KIN: variants seen among roughly 807,000 people sequenced by gnomAD.
The protein encoded by KIN is Kin17 DNA and RNA binding protein.
In KIN, 47 loss-of-function variants were observed where a neutral mutation model predicts 63.0. The observed-to-expected ratio is 0.75, with a 90% CI of 0.59 to 0.95. The LOEUF (loss-of-function observed/expected upper bound fraction) is 0.95. Ranked by LOEUF, KIN falls within the 40% of genes least tolerant of loss-of-function variation. The probability of loss-of-function intolerance (pLI) is 0.00; values close to 1 mark genes in which losing one functional copy is unlikely to be tolerated. For synonymous variants in KIN, 160 were observed against 157.7 expected (o/e 1.01, Z -0.11); for missense variants, 408 against 460.9 (o/e 0.89, Z 1.05).
chr10:7,766,249 A>G lies in KIN; in HGVS notation c.799-146T>C, dbSNP rs190283344. On this transcript the variant is annotated intron_variant, in intron 8 of 12. Transcript: ENST00000379562. ...ATGACATAATTTGCGAGCTCTGATA[A>G]ATACAAATAAACATTACTTGTCATT... 3.5e-3 allele frequency: 1,864 copies of G among 529,492 alleles called. 9 individuals carry two copies. The highest frequency in any genetic ancestry group is 4.5e-3 in the Non-Finnish European group (1,374 of 302,268). 32.8% of individuals were successfully genotyped at this position (529,492 alleles called of 1,614,324 possible). A position where few individuals can be genotyped will look rare whatever the true frequency, so the allele number is the denominator to read the frequency against.
chr10:7,772,999 G>T (rs951953326), intron 7 of KIN, among the ~76,000 whole-genome samples: 1 of 152,218 alleles, frequency 6.6e-6, no homozygotes, highest in Non-Finnish European at 1.5e-5. Flanking sequence ...CCCTTTTCTT[G>T]TAAGAGCAAG....
intron 5 of KIN, among the ~76,000 whole-genome samples, chr10:7,778,420 G>A (rs894954397): frequency 6.6e-6 from 1 of 152,110 alleles, no homozygotes; most frequent in Non-Finnish European, 1.5e-5. Context: ...CAGGAACAGT[G>A]CCCACAGAAC....
Position 7,753,921 on chromosome 10 carries a change from AAG to A in KIN, c.*2157_*2158del. On this transcript the variant is annotated 3_prime_UTR_variant, in exon 13 of 13. Transcript: ENST00000379562. ...ATCAGCCCTCCCTGACTCTCAGTTA[AAG>A]AGAGAGATCCCAGGGTTTGGCACCA... 1 of 388,220 alleles carries A rather than the reference AAG, an allele frequency of 2.6e-6. No homozygotes were observed. The highest frequency in any genetic ancestry group is 5.2e-6 in the Non-Finnish European group (1 of 190,498). 24.0% of individuals were successfully genotyped at this position (388,220 alleles called of 1,614,324 possible).
chr10:7,763,718 CT>C lies in KIN; in HGVS notation c.918+4del. 6.8e-7 allele frequency: 1 copy of C among 1,462,526 alleles called. No individual in the cohort carries two copies. Among genetic ancestry groups the C allele is most frequent in the Non-Finnish European group, 9.5e-7 (1 of 1,056,000 alleles). The allele number at this position is 1,462,526 out of a possible 1,614,324, so 90.6% of individuals were successfully genotyped here. ...CAAATTCCATTCATAATTGCACGTC[CT>C]TACCTTAACAATAGCCTTTTTCTTA... is the stretch of plus-strand genomic sequence containing the variant. On this transcript the variant is annotated splice_donor_region_variant and intron_variant, in intron 10 of 12. Coordinates refer to ENST00000379562, the MANE Select transcript of KIN (RefSeq NM_012311.4).
At chr10:7,771,396 T>C (rs1319830638) in intron 7 of KIN, among the ~76,000 whole-genome samples, 1 of 152,206 alleles carries the variant, frequency 6.6e-6, no homozygotes, top group Non-Finnish European at 1.5e-5. Context: ...TAATCTATTG[T>C]TTTCTAAAGA....
intron 4 of KIN, 139 bp downstream of exon 4, chr10:7,779,917 C>T: frequency 1.4e-6 from 1 of 723,804 alleles, no homozygotes; most frequent in Admixed American, 2.8e-5. Context: ...AGAAATTATG[C>T]TCCCAAAATG....
intron 7 of KIN, 61 bp from the exon 8 acceptor site, chr10:7,769,406 T>C (rs1835622088): frequency 6.6e-7 from 1 of 1,516,978 alleles, no homozygotes; most frequent in Non-Finnish European, 8.9e-7. Context: ...TGCTTTACGA[T>C]GTGCAAAATT....
rs764590622 is a variant in KIN, at chr10:7,763,824, A to G, written c.850-33T>C. 1.4e-5 allele frequency: 15 copies of G among 1,063,930 alleles called. No individual in the cohort carries two copies. In the South Asian group the frequency reaches 1.9e-4, roughly 14 times the overall value. 65.9% of individuals were successfully genotyped at this position (1,063,930 alleles called of 1,614,324 possible). On this transcript the variant is annotated intron_variant, in intron 9 of 12. Coordinates refer to ENST00000379562, the MANE Select transcript of KIN (RefSeq NM_012311.4). ...ATAATAACAAAAAAAATGAAAGGAA[A>G]GACAGAAGTTATCGTTTGTCATTTA...
In KIN at chr10:7,762,459, G is replaced by C. The variant is rs1588471958; in HGVS notation, c.1016C>G (p.Pro339Arg). The C allele has an allele frequency of 1.3e-6, 2 of 1,587,790 alleles. No homozygotes were observed. The highest frequency in any genetic ancestry group is 1.7e-6 in the Non-Finnish European group (2 of 1,159,706). ...QTHLETVIPA[P>R]GKRILVLNGG... ...AAATGGTCTGCAAACAGATTTACCTGGTGCTGGAATTACTGTCTCTAAATG... is the reference window on the plus strand; with the variant it reads ...AAATGGTCTGCAAACAGATTTACCTCGTGCTGGAATTACTGTCTCTAAATG... Residue 339 changes from proline (P) to arginine (R), a missense_variant and splice_region_variant, in exon 11 of 13, where the codon CCA becomes CGA. This residue lies in a region of KIN where 298 missense variants were observed against 296.0 expected (regional missense o/e 1.01). Coordinates refer to ENST00000379562, the MANE Select transcript of KIN (RefSeq NM_012311.4).
intron 12 of KIN, among the ~76,000 whole-genome samples, chr10:7,759,380 C>G (rs1055508962): frequency 6.6e-6 from 1 of 152,122 alleles, no homozygotes; most frequent in Admixed American, 6.5e-5. Flanking sequence ...GTATTGATCT[C>G]TGCTACCTTA....
chr10:7,779,081 G>A, intron 4 of KIN, 62 bp from the exon 5 acceptor site: 1 of 1,539,012 alleles, frequency 6.5e-7, no homozygotes, highest in Non-Finnish European at 8.9e-7. Context: ...AAATATGAAT[G>A]TGTTTCACCT....
intron 2 of KIN, among the ~76,000 whole-genome samples, chr10:7,782,026 C>A (rs912860416): frequency 3.3e-5 from 5 of 152,076 alleles, no homozygotes; most frequent in African/African-American, 1.2e-4. Flanking sequence ...CCACTGCACT[C>A]CAGCCTGGGC....
At chr10:7,772,621 A>G (rs780735202) in intron 7 of KIN, among the ~76,000 whole-genome samples, 2 of 152,210 alleles carry the variant, frequency 1.3e-5, no homozygotes, top group Admixed American at 6.5e-5. Flanking sequence ...ATCCCAAACT[A>G]TATTATGTAC....
intron 8 of KIN, 24 bp downstream of exon 8, chr10:7,769,192 C>A: frequency 6.3e-7 from 1 of 1,590,624 alleles, no homozygotes; most frequent in South Asian, 1.1e-5. Flanking sequence ...TCTAAGGTGT[C>A]CACACGCAAT....
chr10:7,776,497 G>A (rs1341727090), intron 5 of KIN, among the ~76,000 whole-genome samples: 6 of 149,116 alleles, frequency 4.0e-5, no homozygotes, highest in East Asian at 3.9e-4. Context: ...AGCGGAGATC[G>A]TGCCACTTCA....
rs772653681 is a variant in KIN, at chr10:7,775,785, A to C, written c.573T>G (p.Phe191Leu). ...LEGKEQEVPTFTELSRENDEE... is the reference protein window; with the variant it reads ...LEGKEQEVPTLTELSRENDEE... ...CATCATTTTCTCTGCTTAATTCCGTAAAAGTAGGGACCTCCTAAAAAAAAG... is the reference window on the plus strand; with the variant it reads ...CATCATTTTCTCTGCTTAATTCCGTCAAAGTAGGGACCTCCTAAAAAAAAG... Residue 191 changes from phenylalanine to leucine, a missense_variant, in exon 6 of 13, where the codon TTT (phenylalanine) becomes TTG (leucine). Phe to Leu is a conservative substitution (Grantham distance 22, BLOSUM62 0). This residue lies in a region of KIN where 298 missense variants were observed against 296.0 expected (regional missense o/e 1.01). Transcript: ENST00000379562. The C allele has an allele frequency of 1.3e-6, 2 of 1,554,094 alleles. No individual in the cohort carries two copies. The highest frequency in any genetic ancestry group is 1.7e-6 in the Non-Finnish European group (2 of 1,144,798).
At chr10:7,786,379 T>C (rs1226092833) in intron 1 of KIN, among the ~76,000 whole-genome samples, 1 of 152,236 alleles carries the variant, frequency 6.6e-6, no homozygotes, top group African/African-American at 2.4e-5. Flanking sequence ...CTGATATTGG[T>C]ATTTACCTTA....
Position 7,754,105 on chromosome 10 carries a change from G to A in KIN, c.*1975C>T. The A allele has an allele frequency of 2.2e-6, 1 of 455,926 alleles. No individual in the cohort carries two copies. Among genetic ancestry groups the A allele is most frequent in the Non-Finnish European group, 4.4e-6 (1 of 226,782 alleles). The allele number at this position is 455,926 out of a possible 1,614,324, so 28.2% of individuals were successfully genotyped here. ...AACATTTTAGAAGGCCGAGGCAGGA[G>A]GATTGCTTGAGCTCAAGAGTTTGAG... On this transcript the variant is annotated 3_prime_UTR_variant, in exon 13 of 13. Coordinates refer to ENST00000379562, the MANE Select transcript of KIN (RefSeq NM_012311.4).
At position 7,783,125 on chromosome 10, in the gene KIN, C is replaced by A. The variant is rs1273963800; in HGVS notation, c.165G>T (p.Leu55Phe). The A allele has an allele frequency of 3.7e-6, 6 of 1,601,046 alleles. No individual in the cohort carries two copies. The highest frequency in any genetic ancestry group is 5.1e-6 in the Non-Finnish European group (6 of 1,173,940). ...ACTGCTGAGGATTTTCTGAAGCCAGCAATAGTTGTCTCTGATGAGATTCGG... is the reference window on the plus strand; with the variant it reads ...ACTGCTGAGGATTTTCTGAAGCCAGAAATAGTTGTCTCTGATGAGATTCGG... Reference protein sequence around the residue: ...CMSESHQRQLLLASENPQQFM... With the variant: ...CMSESHQRQLFLASENPQQFM... Residue 55 changes from leucine (L) to phenylalanine (F), a missense_variant, in exon 2 of 13, where the codon TTG becomes TTT. Leu to Phe is a conservative substitution (Grantham distance 22). This residue lies in a region of KIN where 110 missense variants were observed against 164.9 expected (regional missense o/e 0.67). Coordinates refer to ENST00000379562, the MANE Select transcript of KIN (RefSeq NM_012311.4).
Sources: gnomAD v4.1 joint callset for allele counts (sites outside exome capture counted in the v4.1 genomes callset) on GRCh38, gnomAD v4.1.1 for gene constraint, gnomAD v4.1.1 regional missense constraint, MANE v1.5 for transcripts, NCBI Gene and HGNC (gene_info 2026-07-23, HGNC 2026-07-21) for gene names.